Variants in PLS1 observed in about 807,000 individuals in gnomAD.
PLS1 encodes plastin 1.
In PLS1, 32 loss-of-function variants were observed where a neutral mutation model predicts 73.7. The ratio of observed to expected loss-of-function variants is 0.43; its 90% CI spans 0.33 to 0.58. The LOEUF (loss-of-function observed/expected upper bound fraction) is 0.58, where lower values mean the gene tolerates loss of function less well. PLS1 is among the 20% of genes least tolerant of loss of function. The probability of loss-of-function intolerance (pLI) is 0.04; values close to 1 mark genes in which losing one functional copy is unlikely to be tolerated. For synonymous variants in PLS1, 217 were observed against 261.3 expected (o/e 0.83, Z 1.63); for missense variants, 633 against 740.5 (o/e 0.85, Z 1.68).
intron 1 of PLS1, among the ~76,000 whole-genome samples, chr3:142,663,154 G>T (rs1410166357): frequency 2.6e-5 from 4 of 152,166 alleles, no homozygotes; most frequent in Admixed American, 1.3e-4. Context: ...GGCTGAGGTT[G>T]CAGTGAGCTG....
At chr3:142,687,309 C>T (rs779315203) in intron 9 of PLS1, among the ~76,000 whole-genome samples, 64 of 151,774 alleles carry the variant, frequency 4.2e-4, no homozygotes, top group South Asian at 4.2e-4. Context: ...TGTCCTGGGC[C>T]GCATGTGACC....
At chr3:142,711,375 G>C (rs1933117742) in intron 14 of PLS1, 126 bp from the exon 15 acceptor site, 3 of 599,038 alleles carry the variant, frequency 5.0e-6, no homozygotes. Context: ...TTGCAGAAAA[G>C]CTGAACGTTA....
At chr3:142,653,522 G>T (rs1425422962) in intron 1 of PLS1, among the ~76,000 whole-genome samples, 3 of 151,770 alleles carry the variant, frequency 2.0e-5, no homozygotes, top group African/African-American at 7.3e-5. Flanking sequence ...CACCACGGCC[G>T]GCTAATTTTT....
At chr3:142,677,140 A>G (rs1344937253) in intron 5 of PLS1, among the ~76,000 whole-genome samples, 1 of 152,188 alleles carries the variant, frequency 6.6e-6, no homozygotes, top group African/African-American at 2.4e-5. Context: ...ATTCTAAAAT[A>G]TAGAGACAAA....
chr3:142,676,417 A>G, intron 5 of PLS1, 128 bp downstream of exon 5: 2 of 848,754 alleles, frequency 2.4e-6, no homozygotes. Flanking sequence ...TGAGGAATTT[A>G]TATTGCATAG....
At chr3:142,711,785 CTT>C (rs1048085543) in intron 15 of PLS1, 85 bp from the exon 16 acceptor site, 33 of 1,469,260 alleles carry the variant, frequency 2.2e-5, no homozygotes, top group Non-Finnish European at 2.7e-5. Context: ...TAAAACTAAT[CTT>C]GTCAAAATAT....
chr3:142,686,613 CT>C (rs1425992767), intron 9 of PLS1, among the ~76,000 whole-genome samples: 1 of 152,156 alleles, frequency 6.6e-6, no homozygotes, highest in Non-Finnish European at 1.5e-5. Flanking sequence ...TACTGTTCTA[CT>C]TTTTGACTAT....
intron 1 of PLS1, among the ~76,000 whole-genome samples, chr3:142,612,261 A>G (rs965590233): frequency 1.3e-5 from 2 of 152,222 alleles, no homozygotes; most frequent in Non-Finnish European, 2.9e-5. Context: ...GCATGCTGGG[A>G]TGTTTCCCTT....
Position 142,685,908 on chromosome 3 carries a change from G to A in PLS1, c.889-376G>A, listed in dbSNP as rs944900515. On this transcript the variant is annotated intron_variant, in intron 8 of 15. Transcript: ENST00000457734. ...TGTTTACTTATTAAGATAGGCAAGG[G>A]GTGCTGTGCACTACAGAAGAGGGGT... Among the ~76,000 whole-genome samples the A allele has an allele frequency of 9.9e-5, 15 of 152,116 alleles. No individual in the cohort carries two copies. The South Asian group carries it at 3.1e-3, about 32-fold the overall frequency.
intron 1 of PLS1, among the ~76,000 whole-genome samples, 156 bp downstream of exon 1, chr3:142,596,665 C>T (rs1391868498): frequency 6.6e-6 from 1 of 152,236 alleles, no homozygotes; most frequent in Non-Finnish European, 1.5e-5. Context: ...TGGCGCCCGC[C>T]GTCCTCTGGG....
chr3:142,624,783 C>T (rs996221625), intron 1 of PLS1, among the ~76,000 whole-genome samples: 1 of 152,112 alleles, frequency 6.6e-6, no homozygotes, highest in Non-Finnish European at 1.5e-5. Context: ...AAAGTGAGTG[C>T]CCTGGGAAAA....
chr3:142,645,560 A>G (rs1417409214), intron 1 of PLS1: 1 of 152,194 alleles, frequency 6.6e-6, no homozygotes, highest in Non-Finnish European at 1.5e-5. Context: ...AACTGGAGGA[A>G]AGAGGATTAC....
At chr3:142,671,276 C>T (rs1003877953) in intron 4 of PLS1, among the ~76,000 whole-genome samples, 154 bp downstream of exon 4, 6 of 152,104 alleles carry the variant, frequency 3.9e-5, no homozygotes, top group African/African-American at 1.4e-4. Context: ...GTATAACATG[C>T]CATTGAATTT....
chr3:142,656,171 A>T (rs1287540647), intron 1 of PLS1, among the ~76,000 whole-genome samples: 1 of 152,206 alleles, frequency 6.6e-6, no homozygotes, highest in Non-Finnish European at 1.5e-5. Flanking sequence ...CATGTTGGCC[A>T]GGCTGGTCTC....
At chr3:142,600,245 T>C (rs1220924908) in intron 1 of PLS1, among the ~76,000 whole-genome samples, 1 of 151,960 alleles carries the variant, frequency 6.6e-6, no homozygotes, top group Non-Finnish European at 1.5e-5. Context: ...GAGGCTGGGG[T>C]CCTAGGAATC....
intron 1 of PLS1, among the ~76,000 whole-genome samples, chr3:142,635,648 CT>C (rs758663860): frequency 6.6e-6 from 1 of 152,070 alleles, no homozygotes; most frequent in Non-Finnish European, 1.5e-5. Context: ...GTGATGAACT[CT>C]CAGTATTGTT....
chr3:142,617,771 A>G (rs2036241158), intron 1 of PLS1, among the ~76,000 whole-genome samples: 1 of 152,134 alleles, frequency 6.6e-6, no homozygotes, highest in Admixed American at 6.6e-5. Context: ...TGAGGTCGGG[A>G]GTTTAAGACA....
intron 1 of PLS1, among the ~76,000 whole-genome samples, chr3:142,625,314 T>C (rs1323235433): frequency 6.6e-6 from 1 of 152,200 alleles, no homozygotes; most frequent in Admixed American, 6.5e-5. Context: ...TTAAGAATTA[T>C]AAAAGTTTAG....
At chr3:142,596,902 C>T (rs970669672) in intron 1 of PLS1, among the ~76,000 whole-genome samples, 2 of 152,096 alleles carry the variant, frequency 1.3e-5, no homozygotes, top group African/African-American at 4.8e-5. Flanking sequence ...CCTTTTGGTG[C>T]ATAGGATCAA....
Sources: gnomAD v4.1 joint callset for allele counts (sites outside exome capture counted in the v4.1 genomes callset) on GRCh38, gnomAD v4.1.1 for gene constraint, MANE v1.5 for transcripts, NCBI Gene and HGNC (gene_info 2026-07-23, HGNC 2026-07-21) for gene names.